The following ZBTB44 variants were observed in gnomAD, a reference collection of about 807,000 sequenced individuals.
ZBTB44 encodes zinc finger and BTB domain-containing protein 44.
A neutral mutation model predicts 54.0 loss-of-function variants in ZBTB44; 15 were observed. The observed-to-expected ratio is 0.28, with a 90% CI of 0.19 to 0.43. The LOEUF is 0.43. Ranked by LOEUF, ZBTB44 falls within the 20% of genes least tolerant of loss-of-function variation. The pLI is 1.00. For missense variants in ZBTB44, 487 were observed against 707.1 expected, an observed-to-expected ratio of 0.69 and a Z score of 3.53; for synonymous variants, 230 against 250.1, an observed-to-expected ratio of 0.92 and a Z score of 0.76.
intron 1 of ZBTB44, among the ~76,000 whole-genome samples, chr11:130,270,446 T>G (rs1487310868): frequency 6.6e-6 from 1 of 152,210 alleles, no homozygotes; most frequent in Non-Finnish European, 1.5e-5. Context: ...ATATGCTATC[T>G]CACATGAGTT....
At chr11:130,255,189 G>C (rs147963750) in intron 2 of ZBTB44, among the ~76,000 whole-genome samples, 1 of 152,050 alleles carries the variant, frequency 6.6e-6, no homozygotes, top group East Asian at 1.9e-4. Context: ...AAATCTGCAC[G>C]TTGTGCACAT....
At position 130,261,183 on chromosome 11, in the gene ZBTB44, T is replaced by A; in HGVS notation, c.691A>T (p.Thr231Ser). 2 of 1,613,950 alleles carry A rather than the reference T, an allele frequency of 1.2e-6. No homozygotes were observed. The highest frequency in any genetic ancestry group is 1.1e-5 in the South Asian group (1 of 91,080). Residue 231 changes from threonine to serine, a missense_variant, in exon 2 of 8, where the codon ACT becomes TCT. Transcript: ENST00000357899. This position sits in a 1 kb window ranked among gnomAD's most constrained non-coding sequence, Gnocchi z 4.8. ...CTTCGATCAATTCCAAAAGGAAAAG[T>A]CCAAGGAAAAGCTAAGGAAGAGTCA... ...PVDSSLAFPW[T>S]FPFGIDRRIQ...
chr11:130,269,228 G>A (rs1486375893), intron 1 of ZBTB44, among the ~76,000 whole-genome samples: 1 of 152,024 alleles, frequency 6.6e-6, no homozygotes, highest in African/African-American at 2.4e-5. Flanking sequence ...GGTGGAGATT[G>A]CAGTGAGCCG....
intron 2 of ZBTB44, among the ~76,000 whole-genome samples, chr11:130,249,671 C>T (rs1937834891): frequency 6.6e-6 from 1 of 152,166 alleles, no homozygotes; most frequent in Non-Finnish European, 1.5e-5. Flanking sequence ...GGGGCGTTAC[C>T]TCACCCAGGA....
At chr11:130,249,118 C>G (rs1277176140) in intron 2 of ZBTB44, among the ~76,000 whole-genome samples, 1 of 152,082 alleles carries the variant, frequency 6.6e-6, no homozygotes, top group East Asian at 1.9e-4. Flanking sequence ...AAAAACAAAA[C>G]TATCATAAAG....
intron 2 of ZBTB44, among the ~76,000 whole-genome samples, chr11:130,252,583 A>G (rs1287143488): frequency 6.6e-6 from 1 of 152,198 alleles, no homozygotes; most frequent in Non-Finnish European, 1.5e-5. Context: ...AGCCTCTCAG[A>G]CCACAGTGCC....
chr11:130,314,044 C>G (rs1942790904), intron 1 of ZBTB44, among the ~76,000 whole-genome samples: 1 of 149,534 alleles, frequency 6.7e-6, no homozygotes. Flanking sequence ...AAAAACAGGT[C>G]TGAGCCTCCC....
In ZBTB44 at chr11:130,230,932, C is replaced by T. The variant is rs1270190709; in HGVS notation, c.*832G>A. The T allele has an allele frequency of 6.6e-6, 1 of 152,006 alleles. No homozygotes were observed. The highest frequency in any genetic ancestry group is 2.4e-5 in the African/African-American group (1 of 41,436). 9.4% of individuals were successfully genotyped at this position (152,006 alleles called of 1,614,324 possible). ...GTAGTTAAAAAACTGAAAATAAAAG[C>T]TTGTACAAAATGCTTGGTTTTAAAA... On this transcript the variant is annotated 3_prime_UTR_variant, in exon 8 of 8. Transcript: ENST00000357899.
intron 1 of ZBTB44, among the ~76,000 whole-genome samples, chr11:130,301,466 C>T (rs891022616): frequency 3.9e-5 from 6 of 152,082 alleles, no homozygotes; most frequent in Admixed American, 6.6e-5. Context: ...CCAGCCTGGG[C>T]AACATGGTAA....
At position 130,299,201 on chromosome 11, in the gene ZBTB44, G is replaced by A. The variant is rs139593281; in HGVS notation, c.-57+15174C>T. ...GTTCACCAAGAAAGATCATATGCTG[G>A]GCCATAAGACAAATCTTAATAAATT... On this transcript the variant is annotated intron_variant, in intron 1 of 7. Transcript: ENST00000357899. 2.5e-3 allele frequency among the ~76,000 whole-genome samples: 382 copies of A among 151,934 alleles called. 1 individual carries two copies. The highest frequency in any genetic ancestry group is 9.0e-3 in the African/African-American group (371 of 41,416).
rs1013906873 is a variant in ZBTB44 at position 130,231,336 on chromosome 11, T to C, written c.*428A>G. Reference sequence around the variant, plus strand: ...TAGAAAAAGGCCTTTATTTGTATCATTTTATGTTAAATACTGGTTAGTTAC... The same window carrying C: ...TAGAAAAAGGCCTTTATTTGTATCACTTTATGTTAAATACTGGTTAGTTAC... On this transcript the variant is annotated 3_prime_UTR_variant, in exon 8 of 8. Coordinates refer to ENST00000357899, the MANE Select transcript of ZBTB44 (RefSeq NM_001301098.2). The C allele has an allele frequency of 3.3e-5, 5 of 152,138 alleles. No homozygotes were observed. Among genetic ancestry groups the C allele is most frequent in the African/African-American group, 9.6e-5 (4 of 41,458 alleles). 9.4% of individuals were successfully genotyped at this position (152,138 alleles called of 1,614,324 possible).
intron 2 of ZBTB44, among the ~76,000 whole-genome samples, 169 bp from the exon 3 acceptor site, chr11:130,240,065 TGA>T (rs1954292817): frequency 7.0e-6 from 1 of 142,646 alleles, no homozygotes; most frequent in Non-Finnish European, 1.5e-5. Context: ...TTTTTGAGAC[TGA>T]GTCTCGCTCT....
chr11:130,232,563 T>C (rs1953916420), intron 7 of ZBTB44: 1 of 152,104 alleles, frequency 6.6e-6, no homozygotes, highest in African/African-American at 2.4e-5. Flanking sequence ...TTATGAGTCA[T>C]AGATGAAAAT....
intron 1 of ZBTB44, among the ~76,000 whole-genome samples, chr11:130,294,531 A>G (rs1226043802): frequency 7.8e-6 from 1 of 128,920 alleles, no homozygotes; most frequent in Non-Finnish European, 1.6e-5. Flanking sequence ...ACAAAGGTCT[A>G]TATGACCAAA....
chr11:130,265,693 G>A (rs1206989213), intron 1 of ZBTB44, among the ~76,000 whole-genome samples: 1 of 152,196 alleles, frequency 6.6e-6, no homozygotes, highest in African/African-American at 2.4e-5. Context: ...CATGCAGAAA[G>A]TTTGCCTGGT....
intron 6 of ZBTB44, chr11:130,233,704 T>TA (rs1430195864): frequency 8.3e-7 from 1 of 1,206,174 alleles, no homozygotes; most frequent in Non-Finnish European, 1.0e-6. Context: ...TTAGCCTACT[T>TA]TTAACAATGG....
intron 5 of ZBTB44, chr11:130,236,183 G>A: frequency 7.8e-7 from 1 of 1,286,954 alleles, no homozygotes. Flanking sequence ...GTTAGTGGCA[G>A]AGCTAGATCT....
intron 1 of ZBTB44, chr11:130,296,792 T>C: frequency 1.3e-6 from 1 of 763,424 alleles, no homozygotes; most frequent in Non-Finnish European, 2.4e-6. Flanking sequence ...AGGAAGCATA[T>C]AAGTCATACA....
intron 1 of ZBTB44, among the ~76,000 whole-genome samples, chr11:130,280,082 C>A (rs1299909372): frequency 6.6e-6 from 1 of 152,178 alleles, no homozygotes; most frequent in Non-Finnish European, 1.5e-5. Context: ...AGCGCAACGG[C>A]AATTTTTGTC....
Sources: gnomAD v4.1 joint callset for allele counts (sites outside exome capture counted in the v4.1 genomes callset) on GRCh38, gnomAD v4.1.1 for gene constraint, Gnocchi (gnomAD v3.1) non-coding constraint, MANE v1.5 for transcripts, NCBI Gene and HGNC (gene_info 2026-07-23, HGNC 2026-07-21) for gene names.